TXK: variants seen among roughly 807,000 people sequenced by gnomAD.
TXK encodes the protein tyrosine-protein kinase TXK.
In TXK, 60 loss-of-function variants were observed where a neutral mutation model predicts 81.0. The observed-to-expected ratio is 0.74, with a 90% CI of 0.60 to 0.92. The LOEUF (loss-of-function observed/expected upper bound fraction) is 0.92. Ranked by LOEUF, TXK falls within the 40% of genes least tolerant of loss-of-function variation. The probability of loss-of-function intolerance (pLI) is 0.00; values close to 1 mark genes in which losing one functional copy is unlikely to be tolerated. For synonymous variants in TXK, 203 were observed against 210.7 expected (o/e 0.96, Z 0.32); for missense variants, 581 against 638.3 (o/e 0.91, Z 0.97).
chr4:48,089,118 G>A (rs1453294768), intron 9 of TXK, among the ~76,000 whole-genome samples: 2 of 152,036 alleles, frequency 1.3e-5, no homozygotes, highest in Non-Finnish European at 1.5e-5. Context: ...TCATTTCCCA[G>A]GCACCCTTGA....
intron 14 of TXK, 37 bp downstream of exon 14, chr4:48,071,480 G>T (rs756688211): frequency 5.0e-6 from 8 of 1,584,902 alleles, no homozygotes; most frequent in Non-Finnish European, 6.9e-6. Context: ...CAGATGCTGG[G>T]ACTGCCAACC....
chr4:48,132,072 A>T (rs1719259669), intron 1 of TXK, among the ~76,000 whole-genome samples: 2 of 151,324 alleles, frequency 1.3e-5, no homozygotes, highest in African/African-American at 2.4e-5. Flanking sequence ...AAATCTACAA[A>T]CAATTGTTGG....
chr4:48,105,541 A>G (rs1718425449), intron 5 of TXK, among the ~76,000 whole-genome samples: 2 of 152,178 alleles, frequency 1.3e-5, no homozygotes, highest in African/African-American at 4.8e-5. Flanking sequence ...GGAGGATGGA[A>G]GTGGGGGTGA....
At chr4:48,130,640 C>A in intron 1 of TXK, among the ~76,000 whole-genome samples, 1 of 152,190 alleles carries the variant, frequency 6.6e-6, no homozygotes, top group East Asian at 1.9e-4. Flanking sequence ...AGGAGGACTG[C>A]CTAAGGGCGT....
intron 3 of TXK, among the ~76,000 whole-genome samples, chr4:48,112,884 T>C (rs1418376564): frequency 1.3e-5 from 2 of 152,166 alleles, no homozygotes; most frequent in Non-Finnish European, 2.9e-5. Flanking sequence ...CAGTTTGTGC[T>C]TGGGTTTACC....
chr4:48,131,939 G>A (rs1285762487), intron 1 of TXK, among the ~76,000 whole-genome samples: 1 of 151,910 alleles, frequency 6.6e-6, no homozygotes, highest in Non-Finnish European at 1.5e-5. Context: ...TTTCTGCTTT[G>A]CTCTGCTTGG....
intron 6 of TXK, 35 bp from the exon 7 acceptor site, chr4:48,095,257 C>T: frequency 1.3e-6 from 2 of 1,554,060 alleles, no homozygotes; most frequent in Non-Finnish European, 1.8e-6. Context: ...TAAGTCTATT[C>T]CTTCTTAGAA....
intron 6 of TXK, among the ~76,000 whole-genome samples, chr4:48,102,288 A>T (rs1315293703): frequency 6.6e-6 from 1 of 152,166 alleles, no homozygotes; most frequent in East Asian, 1.9e-4. Context: ...TGTATTTTTT[A>T]AATATAGACT....
intron 1 of TXK, among the ~76,000 whole-genome samples, chr4:48,121,070 G>A (rs895824666): frequency 7.2e-5 from 11 of 151,960 alleles, no homozygotes; most frequent in Admixed American, 5.2e-4. Flanking sequence ...TAGATTTCCC[G>A]CAAAGCTTTT....
At chr4:48,113,684 T>A (rs1718713282) in intron 2 of TXK, among the ~76,000 whole-genome samples, 1 of 152,192 alleles carries the variant, frequency 6.6e-6, no homozygotes, top group Non-Finnish European at 1.5e-5. Flanking sequence ...TGTCTTTTTG[T>A]TATAAATAGA....
intron 1 of TXK, among the ~76,000 whole-genome samples, chr4:48,119,244 G>A: frequency 6.6e-6 from 1 of 152,102 alleles, no homozygotes; most frequent in East Asian, 1.9e-4. Context: ...GGGGAACACT[G>A]AGCCATTTTG....
intron 1 of TXK, among the ~76,000 whole-genome samples, chr4:48,128,957 T>C (rs1295320135): frequency 1.3e-5 from 2 of 152,004 alleles, no homozygotes; most frequent in Non-Finnish European, 2.9e-5. Context: ...GAGTGACACA[T>C]AACTAGCTTG....
At chr4:48,129,983 G>A (rs1367278873) in intron 1 of TXK, among the ~76,000 whole-genome samples, 1 of 152,216 alleles carries the variant, frequency 6.6e-6, no homozygotes, top group Non-Finnish European at 1.5e-5. Context: ...TGGGCAGGGA[G>A]TGTGGGCACT....
At chr4:48,070,725 T>C (rs1716811319) in intron 14 of TXK, among the ~76,000 whole-genome samples, 1 of 151,642 alleles carries the variant, frequency 6.6e-6, no homozygotes. Context: ...ATTACAGGCA[T>C]GCACCACCAG....
intron 1 of TXK, among the ~76,000 whole-genome samples, chr4:48,120,569 C>T (rs889293999): frequency 3.3e-5 from 5 of 151,832 alleles, no homozygotes; most frequent in African/African-American, 1.2e-4. Context: ...TGGCTCACTG[C>T]AATCTCCGGC....
chr4:48,074,079 T>C (rs1716970198), intron 12 of TXK, 26 bp from the exon 13 acceptor site: 2 of 1,516,854 alleles, frequency 1.3e-6, no homozygotes, highest in African/African-American at 1.4e-5. Flanking sequence ...TCAAAGCATA[T>C]TGTGTTAATT....
intron 6 of TXK, among the ~76,000 whole-genome samples, chr4:48,099,965 A>G (rs1718124693): frequency 6.6e-6 from 1 of 151,812 alleles, no homozygotes; most frequent in African/African-American, 2.4e-5. Context: ...CGGGCGGATC[A>G]CGAGGTCAGG....
At chr4:48,097,786 T>TG (rs113232929) in intron 6 of TXK, among the ~76,000 whole-genome samples, 5 of 144,204 alleles carry the variant, frequency 3.5e-5, no homozygotes, top group African/African-American at 1.3e-4. Flanking sequence ...CTCGCGCTGT[T>TG]GCCCGGGCTG....
At chr4:48,110,745 A>C (rs1405706777) in intron 4 of TXK, 142 bp from the exon 5 acceptor site, 1 of 656,950 alleles carries the variant, frequency 1.5e-6, no homozygotes. Context: ...GAGAAAAAAA[A>C]GTTTTTTTAT....
Sources: gnomAD v4.1 joint callset for allele counts (sites outside exome capture counted in the v4.1 genomes callset) on GRCh38, gnomAD v4.1.1 for gene constraint, MANE v1.5 for transcripts, NCBI Gene and HGNC (gene_info 2026-07-23, HGNC 2026-07-21) for gene names.